DACH2: variants seen among roughly 807,000 people sequenced by gnomAD.
DACH2 encodes dachshund family transcription factor 2, also known as dachshund homolog 2.
Under a neutral mutation model 35.8 loss-of-function variants are expected in DACH2, and 17 were observed. The ratio of observed to expected loss-of-function variants is 0.48; its 90% CI spans 0.33 to 0.71. The LOEUF is 0.71. Ranked by LOEUF, DACH2 falls within the 30% of genes least tolerant of loss-of-function variation. The probability of loss-of-function intolerance (pLI) is 0.02; values close to 1 mark genes in which losing one functional copy is unlikely to be tolerated. For missense variants in DACH2, 469 were observed against 472.7 expected (o/e 0.99, Z 0.07); for synonymous variants, 195 against 177.3 (o/e 1.10, Z -0.79).
chrX:86,781,190 T>C (rs138382586), intron 7 of DACH2, among the ~76,000 whole-genome samples: 3 of 111,687 alleles, frequency 2.7e-5, no homozygotes, highest in East Asian at 5.7e-4. Context: ...AGCTTGTGTT[T>C]GTTTTTCCAC....
chrX:86,587,354 C>T (rs1444591097), intron 3 of DACH2, among the ~76,000 whole-genome samples: 1 of 111,420 alleles, frequency 9.0e-6, no homozygotes, highest in Admixed American at 9.6e-5. Context: ...CATGACATCT[C>T]CAAATAGAGA....
In DACH2 at chrX:86,453,085, A is replaced by G. The variant is rs776396215; in HGVS notation, c.528-61194A>G. On this transcript the variant is annotated intron_variant, in intron 2 of 11. Coordinates refer to ENST00000373125, the MANE Select transcript of DACH2 (RefSeq NM_053281.3). The stretch of plus-strand genomic sequence containing the variant: ...TAATTTCATTATTTACCCCAGAGTC[A>G]TTCAGGAGCAGGTTGTTCAATTTCC... 5.4e-5 allele frequency among the ~76,000 whole-genome samples: 6 copies of G among 111,806 alleles called. No homozygotes were observed. In the East Asian group the frequency reaches 1.4e-3, roughly 26 times the overall value.
At chrX:86,318,582 A>G (rs2034957025) in intron 1 of DACH2, among the ~76,000 whole-genome samples, 1 of 111,608 alleles carries the variant, frequency 9.0e-6, no homozygotes, top group Admixed American at 9.6e-5. Context: ...TTTTGACACT[A>G]GAACCTTAGA....
intron 3 of DACH2, among the ~76,000 whole-genome samples, chrX:86,575,976 T>G (rs952406935): frequency 8.9e-6 from 1 of 112,202 alleles, no homozygotes; most frequent in African/African-American, 3.2e-5. Flanking sequence ...AGATGCACAG[T>G]GAACCTGCAA....
chrX:86,527,980 G>A (rs768954608), intron 3 of DACH2, among the ~76,000 whole-genome samples: 1 of 111,922 alleles, frequency 8.9e-6, no homozygotes, highest in South Asian at 3.7e-4. Context: ...TCATGACTCA[G>A]TATAAATTAG....
chrX:86,150,888 C>G (rs1456849638), intron 1 of DACH2, among the ~76,000 whole-genome samples: 1 of 111,281 alleles, frequency 9.0e-6, no homozygotes, highest in Non-Finnish European at 1.9e-5. Flanking sequence ...TTAACTCTCT[C>G]TCTTTATCAG....
intron 1 of DACH2, among the ~76,000 whole-genome samples, chrX:86,244,472 G>A (rs923573153): frequency 2.7e-5 from 3 of 111,540 alleles, no homozygotes; most frequent in African/African-American, 9.8e-5. Flanking sequence ...AAATTAGCTG[G>A]GCATGTTGGC....
intron 1 of DACH2, among the ~76,000 whole-genome samples, chrX:86,254,807 T>TATATATAGAGAGAGAGAGAG (rs1380613474): frequency 4.0e-5 from 2 of 49,660 alleles, no homozygotes; most frequent in African/African-American, 2.3e-4. Context: ...TATATATATA[T>TATATATAGAGAGAGAGAGAG]AGAGAGAGAG....
chrX:86,534,552 A>C (rs1468873460), intron 3 of DACH2, among the ~76,000 whole-genome samples: 2 of 112,150 alleles, frequency 1.8e-5, no homozygotes, highest in African/African-American at 3.2e-5. Flanking sequence ...TCTGCTGGTC[A>C]GACCGTATTT....
chrX:86,333,422 A>G (rs200681558), intron 1 of DACH2, among the ~76,000 whole-genome samples: 79 of 111,637 alleles, frequency 7.1e-4, no homozygotes, highest in East Asian at 5.7e-3. Context: ...GTCTATGGGA[A>G]GGAGTGACCT....
At chrX:86,538,950 C>T (rs765467741) in intron 3 of DACH2, among the ~76,000 whole-genome samples, 18 of 111,473 alleles carry the variant, frequency 1.6e-4, no homozygotes, top group Non-Finnish European at 3.0e-4. Flanking sequence ...TTAGAAATAG[C>T]TATAGGTGTA....
intron 4 of DACH2, among the ~76,000 whole-genome samples, chrX:86,691,977 G>A (rs886570978): frequency 1.8e-5 from 2 of 111,706 alleles, no homozygotes; most frequent in African/African-American, 6.5e-5. Context: ...CATAAAAAAT[G>A]CAAATATTGG....
At chrX:86,387,638 A>G (rs964648509) in intron 2 of DACH2, among the ~76,000 whole-genome samples, 4 of 112,014 alleles carry the variant, frequency 3.6e-5, no homozygotes, top group Non-Finnish European at 7.5e-5. Context: ...TTCTTTGAAA[A>G]TGCATAATTC....
chrX:86,261,946 G>A (rs781684333), intron 1 of DACH2, among the ~76,000 whole-genome samples: 53 of 110,554 alleles, frequency 4.8e-4, no homozygotes, highest in Non-Finnish European at 5.9e-4. Flanking sequence ...GAATGAACAG[G>A]TAGGTTCATT....
intron 2 of DACH2, among the ~76,000 whole-genome samples, chrX:86,440,659 C>A (rs2037146087): frequency 1.8e-5 from 2 of 110,943 alleles, no homozygotes; most frequent in Admixed American, 9.7e-5. Flanking sequence ...TGTCCTTGTT[C>A]TTTGTTCTTA....
intron 5 of DACH2, among the ~76,000 whole-genome samples, chrX:86,713,509 A>T (rs1003290347): frequency 8.0e-5 from 9 of 111,894 alleles, no homozygotes; most frequent in African/African-American, 2.6e-4. Context: ...CCACCATAGA[A>T]TTTCTGTAGT....
At chrX:86,337,323 G>C (rs2035330299) in intron 1 of DACH2, among the ~76,000 whole-genome samples, 1 of 112,217 alleles carries the variant, frequency 8.9e-6, no homozygotes, top group South Asian at 3.7e-4. Flanking sequence ...AGAGCAGCCA[G>C]TGAGAAAGGT....
intron 1 of DACH2, among the ~76,000 whole-genome samples, chrX:86,320,548 G>C: frequency 8.9e-6 from 1 of 112,143 alleles, no homozygotes; most frequent in African/African-American, 3.2e-5. Flanking sequence ...GTTAGCTAAA[G>C]CCTTTCCTTA....
intron 2 of DACH2, among the ~76,000 whole-genome samples, chrX:86,496,481 G>A (rs1457909201): frequency 9.1e-6 from 1 of 110,477 alleles, no homozygotes; most frequent in Non-Finnish European, 1.9e-5. Context: ...GGGAGGGGAA[G>A]GGTCCTCAAA....
Sources: gnomAD v4.1 joint callset for allele counts (sites outside exome capture counted in the v4.1 genomes callset) on GRCh38, gnomAD v4.1.1 for gene constraint, MANE v1.5 for transcripts, NCBI Gene and HGNC (gene_info 2026-07-23, HGNC 2026-07-21) for gene names.